The following HSD17B2 variants were observed in gnomAD, a reference collection of about 807,000 sequenced individuals.
The protein encoded by HSD17B2 is 17-beta-hydroxysteroid dehydrogenase type 2.
HSD17B2 carries 32 observed loss-of-function variants against 26.9 expected under a neutral mutation model. That is an observed-to-expected ratio of 1.19 (90% CI 0.90 to 1.60). The LOEUF is 1.60. HSD17B2 is among the 40% of genes most tolerant of loss of function. The pLI, the probability that HSD17B2 is intolerant of heterozygous loss-of-function variation, is 0.00. For missense variants in HSD17B2, 613 were observed against 468.6 expected (o/e 1.31, Z -2.85); for synonymous variants, 246 against 186.7 (o/e 1.32, Z -2.59).
At chr16:82,094,536 G>A (rs935698193) in intron 4 of HSD17B2, 4 of 152,112 alleles carry the variant, frequency 2.6e-5, no homozygotes, top group Non-Finnish European at 5.9e-5. Context: ...CAGTGCCTGG[G>A]TTCTTCCTTT....
At chr16:82,059,552 G>A (rs1241466143) in intron 1 of HSD17B2, among the ~76,000 whole-genome samples, 3 of 152,002 alleles carry the variant, frequency 2.0e-5, no homozygotes, top group Non-Finnish European at 4.4e-5. Flanking sequence ...GTGGGATTGA[G>A]GAGTGAGAAC....
rs760800946 is a variant in HSD17B2, at chr16:82,035,562, A to G, written c.138A>G (p.Ala46=). 9 of 1,613,586 alleles carry G rather than the reference A, an allele frequency of 5.6e-6. No individual in the cohort carries two copies. In the African/African-American group the frequency reaches 6.7e-5, roughly 12 times the overall value. Residue 46 remains alanine, a synonymous_variant, in exon 1 of 5, where the codon GCA becomes GCG. Coordinates refer to ENST00000199936, the MANE Select transcript of HSD17B2 (RefSeq NM_002153.3). Reference sequence around the variant, plus strand: ...TGGTCTGCCTGGCAGGCCTCTGTGCAGTCTGCCTGCTCATCCTGTCCCCTT... The same window carrying G: ...TGGTCTGCCTGGCAGGCCTCTGTGCGGTCTGCCTGCTCATCCTGTCCCCTT... The part of the protein sequence containing the change: ...SWMVCLAGLC[A]VCLLILSPFW...
intron 1 of HSD17B2, among the ~76,000 whole-genome samples, chr16:82,062,454 T>A (rs1343522695): frequency 1.3e-5 from 2 of 152,250 alleles, no homozygotes; most frequent in Non-Finnish European, 2.9e-5. Flanking sequence ...CAATGCTTAT[T>A]CATCCAACAT....
intron 3 of HSD17B2, among the ~76,000 whole-genome samples, chr16:82,087,642 C>G (rs957921062): frequency 5.3e-5 from 8 of 152,258 alleles, no homozygotes; most frequent in African/African-American, 1.9e-4. Context: ...TGTCAACAAA[C>G]TTCATATGTC....
chr16:82,067,368 C>T (rs1184335906), intron 1 of HSD17B2, among the ~76,000 whole-genome samples: 1 of 152,184 alleles, frequency 6.6e-6, no homozygotes, highest in African/African-American at 2.4e-5. Context: ...TTCATGTTAT[C>T]TTCAACTTAG....
intron 1 of HSD17B2, chr16:82,052,604 T>C (rs898913058): frequency 3.9e-5 from 6 of 152,246 alleles, no homozygotes; most frequent in Non-Finnish European, 8.8e-5. Context: ...TAGCTTTTCC[T>C]AGTCCCACTA....
At chr16:82,078,419 C>G (rs1904314780) in intron 3 of HSD17B2, among the ~76,000 whole-genome samples, 1 of 152,116 alleles carries the variant, frequency 6.6e-6, no homozygotes, top group African/African-American at 2.4e-5. Flanking sequence ...AAAGAGAACC[C>G]TTGTACACTG....
At chr16:82,079,721 A>T (rs1185942278) in intron 3 of HSD17B2, among the ~76,000 whole-genome samples, 1 of 152,184 alleles carries the variant, frequency 6.6e-6, no homozygotes, top group East Asian at 1.9e-4. Context: ...AATAGAAAAG[A>T]TTTTGAGCCG....
At chr16:82,071,148 A>G (rs1196498415) in intron 3 of HSD17B2, 21 bp downstream of exon 3, 1 of 1,610,448 alleles carries the variant, frequency 6.2e-7, no homozygotes, top group Admixed American at 1.7e-5. Context: ...ATTTTCACAC[A>G]TGGTCATGGG....
At chr16:82,070,480 C>G (rs1246380275) in intron 2 of HSD17B2, among the ~76,000 whole-genome samples, 1 of 152,232 alleles carries the variant, frequency 6.6e-6, no homozygotes, top group African/African-American at 2.4e-5. Flanking sequence ...TTCTACAGTG[C>G]CATCCATCTC....
chr16:82,037,855 G>T (rs1913661544), intron 1 of HSD17B2, among the ~76,000 whole-genome samples: 1 of 152,158 alleles, frequency 6.6e-6, no homozygotes, highest in Admixed American at 6.5e-5. Flanking sequence ...CCTGGGCTGG[G>T]CAAAAAGCTG....
At chr16:82,040,743 G>T (rs1182369748) in intron 1 of HSD17B2, among the ~76,000 whole-genome samples, 2 of 152,192 alleles carry the variant, frequency 1.3e-5, no homozygotes, top group Non-Finnish European at 2.9e-5. Flanking sequence ...GTTTGCAGAG[G>T]GTGATGATTT....
chr16:82,051,695 C>T (rs957801729), intron 1 of HSD17B2, among the ~76,000 whole-genome samples: 3 of 152,066 alleles, frequency 2.0e-5, no homozygotes, highest in African/African-American at 7.2e-5. Context: ...ATGTAACAAA[C>T]CTGTAAGTTC....
intron 4 of HSD17B2, chr16:82,097,455 G>A (rs910014781): frequency 3.3e-5 from 5 of 151,746 alleles, no homozygotes; most frequent in African/African-American, 1.2e-4. Flanking sequence ...AGGCTCAAGC[G>A]ATTCCCCTTC....
intron 1 of HSD17B2, among the ~76,000 whole-genome samples, chr16:82,040,543 G>C (rs554605262): frequency 4.4e-4 from 67 of 152,326 alleles, no homozygotes; most frequent in African/African-American, 1.6e-3. Context: ...AGAAGTGTTA[G>C]ATCCATAGTT....
chr16:82,068,124 G>A (rs984499333), intron 1 of HSD17B2, 46 bp from the exon 2 acceptor site: 3 of 1,482,588 alleles, frequency 2.0e-6, no homozygotes, highest in African/African-American at 2.8e-5. Context: ...ATTTTCTCCT[G>A]TCACTCTGGT....
chr16:82,037,980 C>G (rs11150434), intron 1 of HSD17B2, among the ~76,000 whole-genome samples: 17,780 of 152,138 alleles, frequency 0.12, 3,481 homozygotes, highest in African/African-American at 0.4. Flanking sequence ...TTGGATTAGA[C>G]TATTTACGTG....
In HSD17B2 at chr16:82,070,961, C is replaced by T; in HGVS notation, c.498C>T (p.Asn166=). 1.2e-6 allele frequency: 2 copies of T among 1,613,824 alleles called. No homozygotes were observed. Among genetic ancestry groups the T allele is most frequent in the South Asian group, 2.2e-5 (2 of 91,076 alleles). The change falls in exon 3 of 5, where the codon AAC becomes AAT. Residue 166 remains asparagine (N), a synonymous_variant. Transcript: ENST00000199936. The part of the protein sequence containing the change: ...LQDRGLWAVI[N]NAGVLGFPTD... ...CTCCAGGACTGTGGGCTGTGATCAA[C>T]AATGCTGGGGTGCTTGGCTTTCCAA...
chr16:82,045,884 TCA>T (rs1270788152), intron 1 of HSD17B2, among the ~76,000 whole-genome samples: 4 of 152,280 alleles, frequency 2.6e-5, no homozygotes, highest in African/African-American at 7.2e-5. Context: ...CTGATTCTTC[TCA>T]GTCCTGATAA....
Sources: allele counts gnomAD v4.1 joint callset (sites outside exome capture counted in the v4.1 genomes callset), GRCh38; gene constraint gnomAD v4.1.1; transcripts MANE v1.5; gene names NCBI Gene and HGNC (gene_info 2026-07-23, HGNC 2026-07-21).